HK1: variants seen among roughly 807,000 people sequenced by gnomAD.
HK1 encodes the protein hexokinase-1.
A neutral mutation model predicts 91.6 loss-of-function variants in HK1; 28 were observed. The ratio of observed to expected loss-of-function variants is 0.31; its 90% CI spans 0.23 to 0.42. The LOEUF (loss-of-function observed/expected upper bound fraction) is 0.42, where lower values mean the gene tolerates loss of function less well. HK1 is among the 10% of genes least tolerant of loss of function. The pLI, the probability that HK1 is intolerant of heterozygous loss-of-function variation, is 1.00. For synonymous variants in HK1, 430 were observed against 468.1 expected, an observed-to-expected ratio of 0.92 and a Z score of 1.05; for missense variants, 770 against 1,219.8, an observed-to-expected ratio of 0.63 and a Z score of 5.49.
At chr10:69,312,475 G>A (rs1256555972), upstream of HK1, among the ~76,000 whole-genome samples, 1 of 151,868 alleles carries the variant, frequency 6.6e-6, no homozygotes, top group Non-Finnish European at 1.5e-5. Context: ...CTGACCTCAA[G>A]TGATCCACCC....
chr10:69,315,922 G>T (rs77682879), upstream of HK1: 38,682 of 1,611,786 alleles, frequency 0.024, 1,382 homozygotes, highest in African/African-American at 0.17. Flanking sequence ...CCAGGTTCCT[G>T]CCCTGTAAAG....
Position 69,392,512 on chromosome 10 carries a change from G to T in HK1, c.2219+204G>T, listed in dbSNP as rs76791940. On this transcript the variant is annotated intron_variant, in intron 15 of 17. Transcript: ENST00000359426. ...CAGACCCCCAACATGGTACAAGATG[G>T]CCCAGGGTTGATGCCTGTCTAGGGG... 5.8e-3 allele frequency among the ~76,000 whole-genome samples: 888 copies of T among 152,252 alleles called. 6 individuals carry two copies. Among genetic ancestry groups the T allele is most frequent in the African/African-American group, 0.02 (834 of 41,524 alleles).
chr10:69,270,575 G>C (rs374198700), intron 1 of HK1, among the ~76,000 whole-genome samples: 7 of 150,166 alleles, frequency 4.7e-5, no homozygotes, highest in East Asian at 3.9e-4. Flanking sequence ...CAGCGAGTCT[G>C]TCTAAAAAAG....
chr10:69,377,185 C>A, intron 8 of HK1, 96 bp downstream of exon 8: 1 of 1,430,004 alleles, frequency 7.0e-7, no homozygotes, highest in Non-Finnish European at 9.8e-7. Flanking sequence ...GGTGGCTTTT[C>A]CTTCAAGAGT....
chr10:69,325,985 C>G (rs1426772618), intron 1 of HK1, among the ~76,000 whole-genome samples: 1 of 151,722 alleles, frequency 6.6e-6, no homozygotes, highest in Admixed American at 6.6e-5. Context: ...CAGGTGCCTG[C>G]CACTACACCC....
Position 69,401,804 on chromosome 10 carries a change from C to G in HK1, c.*669C>G, listed in dbSNP as rs1316877259. On this transcript the variant is annotated 3_prime_UTR_variant, in exon 18 of 18. Transcript: ENST00000359426. ...CATTTGGATAAAAGGAACCAACCAA[C>G]AAACAATGCCATCACTGGAATTTCC... The G allele has an allele frequency of 6.1e-6, 1 of 164,478 alleles. No homozygotes were observed. The highest frequency in any genetic ancestry group is 2.4e-5 in the African/African-American group (1 of 41,492). 10.2% of individuals were successfully genotyped at this position (164,478 alleles called of 1,614,324 possible). A position where few individuals can be genotyped will look rare whatever the true frequency, so the allele number is the denominator to read the frequency against.
upstream of HK1, among the ~76,000 whole-genome samples, chr10:69,311,660 G>A (rs1024757606): frequency 2.0e-5 from 3 of 151,704 alleles, no homozygotes; most frequent in Non-Finnish European, 2.9e-5. Context: ...TTTCTGAGAC[G>A]GAGTCTTCCT....
chr10:69,320,632 G>A (rs895687834), intron 1 of HK1, among the ~76,000 whole-genome samples: 3 of 152,130 alleles, frequency 2.0e-5, no homozygotes, highest in East Asian at 3.9e-4. Flanking sequence ...GAAGCCAAGA[G>A]TTCACTGTCC....
At chr10:69,318,108 C>T (rs1846745670), upstream of HK1, 1 of 985,466 alleles carries the variant, frequency 1.0e-6, no homozygotes, top group Non-Finnish European at 1.2e-6. Context: ...GAGGGAGAGC[C>T]ACCGGAGCTG....
At chr10:69,310,390 C>A (rs2132533209) in intron 5 of HK1, among the ~76,000 whole-genome samples, 1 of 133,750 alleles carries the variant, frequency 7.5e-6, no homozygotes, top group African/African-American at 2.9e-5. Flanking sequence ...CACTGAACTG[C>A]AACCTGGGTG....
rs1484556892 is a variant in HK1 at position 69,369,595 on chromosome 10, C to G, written c.846C>G (p.Asp282Glu). The part of the protein sequence containing the change: ...DIRTEFDREI[D>E]RGSLNPGKQL... ...GGACAGAGTTTGACAGGGAGATAGA[C>G]CGGGGATCCCTCAACCCTGGAAAAC... Residue 282 changes from aspartate (D) to glutamate (E), a missense_variant, in exon 7 of 18, where the codon GAC becomes GAG. Transcript: ENST00000359426. This position sits in a 1 kb window ranked among gnomAD's most constrained non-coding sequence, Gnocchi z 4.4. 1 of 1,614,162 alleles carries G rather than the reference C, an allele frequency of 6.2e-7. No individual in the cohort carries two copies. The highest frequency in any genetic ancestry group is 8.5e-7 in the Non-Finnish European group (1 of 1,180,028).
intron 2 of HK1, among the ~76,000 whole-genome samples, chr10:69,355,138 T>A (rs912730816): frequency 6.6e-6 from 1 of 152,094 alleles, no homozygotes; most frequent in Non-Finnish European, 1.5e-5. Context: ...GGTTTGTTGT[T>A]TATTTCTTTA....
Position 69,379,860 on chromosome 10 carries a change from A to G in HK1, c.1032-2A>G. 2 of 1,606,772 alleles carry G rather than the reference A, an allele frequency of 1.2e-6. No homozygotes were observed. Among genetic ancestry groups the G allele is most frequent in the Non-Finnish European group, 1.7e-6 (2 of 1,173,334 alleles). The stretch of plus-strand genomic sequence containing the variant: ...CATCAGTATTGGCTTCTAACTTCAC[A>G]GGAATAAGGAAGGCCTCCACAATGC... On this transcript the variant is annotated splice_acceptor_variant, in intron 8 of 17. Transcript: ENST00000359426. LOFTEE classifies it high-confidence loss of function.
chr10:69,273,763 A>G (rs2132403180), intron 1 of HK1, among the ~76,000 whole-genome samples: 1 of 152,264 alleles, frequency 6.6e-6, no homozygotes, highest in East Asian at 1.9e-4. Flanking sequence ...AAAACATTAT[A>G]TTTTTCAATT....
intron 1 of HK1, among the ~76,000 whole-genome samples, chr10:69,341,469 A>AT (rs748689808): frequency 0.07 from 9,888 of 142,108 alleles, 416 homozygotes; most frequent in African/African-American, 0.13. Context: ...CCAATTGTTA[A>AT]TTTTTTTTTT....
chr10:69,347,636 A>C (rs1848635296), intron 2 of HK1, among the ~76,000 whole-genome samples: 1 of 151,792 alleles, frequency 6.6e-6, no homozygotes, highest in South Asian at 2.1e-4. Flanking sequence ...AGGTTTCACC[A>C]TGTTGGCCAG....
intron 2 of HK1, among the ~76,000 whole-genome samples, chr10:69,348,062 A>G (rs1848658009): frequency 6.6e-6 from 1 of 151,974 alleles, no homozygotes; most frequent in Admixed American, 6.6e-5. Flanking sequence ...TCCTTTTCTC[A>G]TTTATCCCTA....
At chr10:69,320,416 G>A (rs182776293) in intron 1 of HK1, among the ~76,000 whole-genome samples, 1 of 152,246 alleles carries the variant, frequency 6.6e-6, no homozygotes, top group African/African-American at 2.4e-5. Context: ...AAGCACTCTG[G>A]GGTTGTCAAA....
chr10:69,350,263 G>A (rs1196730544), intron 2 of HK1, among the ~76,000 whole-genome samples: 1 of 152,178 alleles, frequency 6.6e-6, no homozygotes, highest in Middle Eastern at 3.2e-3. Context: ...GCTGGAGTGG[G>A]GATTCAGCCC....
Sources: allele counts gnomAD v4.1 joint callset (sites outside exome capture counted in the v4.1 genomes callset), GRCh38; gene constraint gnomAD v4.1.1; non-coding constraint Gnocchi (gnomAD v3.1); transcripts MANE v1.5; gene names NCBI Gene and HGNC (gene_info 2026-07-23, HGNC 2026-07-21).